Variants in CNTNAP2 observed in about 807,000 individuals in gnomAD.
The protein encoded by CNTNAP2 is contactin-associated protein-like 2.
Under a neutral mutation model 155.2 loss-of-function variants are expected in CNTNAP2, and 98 were observed. That is an observed-to-expected ratio of 0.63 (90% CI 0.54 to 0.75). CNTNAP2 has a LOEUF of 0.75. Among genes scored for constraint, CNTNAP2 ranks in the 30% least tolerant of loss-of-function variants. The pLI is 0.00. For synonymous variants in CNTNAP2, 651 were observed against 631.2 expected (o/e 1.03, Z -0.47); for missense variants, 1,727 against 1,688.1 (o/e 1.02, Z -0.40).
At chr7:146,386,084 G>T (rs1225741589) in intron 1 of CNTNAP2, among the ~76,000 whole-genome samples, 2 of 152,032 alleles carry the variant, frequency 1.3e-5, no homozygotes, top group Non-Finnish European at 2.9e-5. Context: ...TGCTCCCTGG[G>T]TCAATAGCTT....
intron 15 of CNTNAP2, among the ~76,000 whole-genome samples, chr7:148,070,843 C>T (rs1282349125): frequency 6.6e-6 from 1 of 152,070 alleles, no homozygotes; most frequent in Non-Finnish European, 1.5e-5. Context: ...ATATGGAAAA[C>T]ATTTCTTATT....
chr7:148,131,909 G>A (rs1804839161), intron 16 of CNTNAP2, among the ~76,000 whole-genome samples: 1 of 151,888 alleles, frequency 6.6e-6, no homozygotes. Context: ...TATAGTGAGG[G>A]ACTGGGATAG....
intron 15 of CNTNAP2, among the ~76,000 whole-genome samples, chr7:148,033,045 A>T (rs1802509383): frequency 6.6e-6 from 1 of 152,064 alleles, no homozygotes; most frequent in Non-Finnish European, 1.5e-5. Context: ...CCATTCACCA[A>T]GCTCCCTAGT....
At chr7:147,802,380 C>G (rs561472150) in intron 13 of CNTNAP2, among the ~76,000 whole-genome samples, 1 of 151,818 alleles carries the variant, frequency 6.6e-6, no homozygotes, top group Non-Finnish European at 1.5e-5. Context: ...GGGTGGCGGC[C>G]GGGCAGAGGC....
intron 3 of CNTNAP2, among the ~76,000 whole-genome samples, chr7:146,958,415 T>TGTTTG (rs200968706): frequency 6.5e-5 from 9 of 138,226 alleles, no homozygotes; most frequent in African/African-American, 2.2e-4. Context: ...TGGTTTTTTT[T>TGTTTG]TTTTTTTTTT....
At chr7:146,199,146 T>G (rs1036611252) in intron 1 of CNTNAP2, among the ~76,000 whole-genome samples, 8 of 152,224 alleles carry the variant, frequency 5.3e-5, no homozygotes, top group African/African-American at 1.9e-4. Context: ...ATTCTCCCTT[T>G]AAAACATGCC....
At chr7:148,285,903 G>A (rs1797073450) in intron 21 of CNTNAP2, among the ~76,000 whole-genome samples, 1 of 152,142 alleles carries the variant, frequency 6.6e-6, no homozygotes, top group South Asian at 2.1e-4. Context: ...ACTGCCAATA[G>A]CTTACTGTTG....
At position 146,718,859 on chromosome 7, in the gene CNTNAP2, C is replaced by T. The variant is rs1383533815; in HGVS notation, c.98-55412C>T. 2.0e-5 allele frequency among the ~76,000 whole-genome samples: 3 copies of T among 152,032 alleles called. No individual in the cohort carries two copies. In the East Asian group the frequency reaches 5.8e-4, roughly 29 times the overall value. On this transcript the variant is annotated intron_variant, in intron 1 of 23. Coordinates refer to ENST00000361727, the MANE Select transcript of CNTNAP2 (RefSeq NM_014141.6). Reference sequence around the variant, plus strand: ...TGACAGTTTTTTATTTGAGAGGGCTCCTCTTCGTGTTCCTAATATGCCAAA... The same window carrying T: ...TGACAGTTTTTTATTTGAGAGGGCTTCTCTTCGTGTTCCTAATATGCCAAA...
At chr7:147,661,794 G>T (rs1795614756) in intron 13 of CNTNAP2, among the ~76,000 whole-genome samples, 1 of 151,960 alleles carries the variant, frequency 6.6e-6, no homozygotes, top group South Asian at 2.1e-4. Context: ...CTCGTGATCT[G>T]CCCACCTCGG....
chr7:148,027,419 A>G (rs917414676), intron 15 of CNTNAP2, among the ~76,000 whole-genome samples: 3 of 152,186 alleles, frequency 2.0e-5, no homozygotes, highest in Non-Finnish European at 4.4e-5. Context: ...CAGTCTGTTT[A>G]CCAATCAGGA....
chr7:147,457,454 T>G (rs894817874), intron 10 of CNTNAP2, among the ~76,000 whole-genome samples: 18 of 152,314 alleles, frequency 1.2e-4, no homozygotes, highest in African/African-American at 4.1e-4. Flanking sequence ...TCTCCCACTG[T>G]TCTGTATCCC....
chr7:146,757,906 C>G (rs1004778735), intron 1 of CNTNAP2, among the ~76,000 whole-genome samples: 1 of 152,024 alleles, frequency 6.6e-6, no homozygotes, highest in Non-Finnish European at 1.5e-5. Flanking sequence ...TGGGCCTTCT[C>G]CATTTCCTAT....
At chr7:146,188,332 A>G (rs1798652272) in intron 1 of CNTNAP2, among the ~76,000 whole-genome samples, 1 of 152,214 alleles carries the variant, frequency 6.6e-6, no homozygotes, top group Admixed American at 6.5e-5. Context: ...CCACTAACAT[A>G]GAACTCAAAG....
chr7:148,061,998 GAT>G (rs1563185571), intron 15 of CNTNAP2, among the ~76,000 whole-genome samples: 1,252 of 113,930 alleles, frequency 0.011, 91 homozygotes, highest in African/African-American at 0.054. Flanking sequence ...TAGATAGATA[GAT>G]AGATAGATGA....
At chr7:147,564,806 C>T (rs1375041360) in intron 12 of CNTNAP2, among the ~76,000 whole-genome samples, 1 of 151,490 alleles carries the variant, frequency 6.6e-6, no homozygotes, top group Non-Finnish European at 1.5e-5. Context: ...GACTTCTGAG[C>T]TCTAAGGAGC....
rs926805098 is a variant in CNTNAP2, at chr7:147,270,099, C to T, written c.1349-30042C>T. On this transcript the variant is annotated intron_variant, in intron 8 of 23. Coordinates refer to ENST00000361727, the MANE Select transcript of CNTNAP2 (RefSeq NM_014141.6). Reference sequence around the variant, plus strand: ...TAAAAAGAAGAATGAAAACACAATACGCAACATAACATGGTGACTCAAACC... The same window carrying T: ...TAAAAAGAAGAATGAAAACACAATATGCAACATAACATGGTGACTCAAACC... Among the ~76,000 whole-genome samples the T allele has an allele frequency of 3.9e-5, 6 of 152,070 alleles. No individual in the cohort carries two copies. The East Asian group carries it at 5.8e-4, about 15-fold the overall frequency.
chr7:148,106,211 C>A (rs1188646408), intron 15 of CNTNAP2, among the ~76,000 whole-genome samples: 1 of 152,120 alleles, frequency 6.6e-6, no homozygotes, highest in Non-Finnish European at 1.5e-5. Context: ...TGCTTGCTTT[C>A]AGATATTTAG....
chr7:148,039,377 C>T (rs552602651), intron 15 of CNTNAP2, among the ~76,000 whole-genome samples: 3 of 152,298 alleles, frequency 2.0e-5, no homozygotes, highest in African/African-American at 7.2e-5. Flanking sequence ...TGCCTGCCCA[C>T]ATGAGGGAGG....
intron 21 of CNTNAP2, among the ~76,000 whole-genome samples, chr7:148,328,303 G>C (rs1360170457): frequency 6.6e-6 from 1 of 152,140 alleles, no homozygotes; most frequent in Non-Finnish European, 1.5e-5. Flanking sequence ...TGACACAGGA[G>C]GCATCCTGTG....
Sources: allele counts gnomAD v4.1 joint callset (sites outside exome capture counted in the v4.1 genomes callset), GRCh38; gene constraint gnomAD v4.1.1; transcripts MANE v1.5; gene names NCBI Gene and HGNC (gene_info 2026-07-23, HGNC 2026-07-21).